MAPK10: variants seen among roughly 807,000 people sequenced by gnomAD.
MAPK10 encodes mitogen-activated protein kinase 10, also known as JNK3 alpha protein kinase.
Under a neutral mutation model 59.3 loss-of-function variants are expected in MAPK10, and 25 were observed. The observed-to-expected ratio is 0.42, with a 90% CI of 0.31 to 0.59. The LOEUF (loss-of-function observed/expected upper bound fraction) is 0.59, where lower values mean the gene tolerates loss of function less well. MAPK10 is among the 20% of genes least tolerant of loss of function. MAPK10 has a pLI of 0.15. For synonymous variants in MAPK10, 190 were observed against 200.5 expected (o/e 0.95, Z 0.44); for missense variants, 351 against 568.9 (o/e 0.62, Z 3.90).
At chr4:86,377,014 C>T (rs941624504) in intron 1 of MAPK10, among the ~76,000 whole-genome samples, 1 of 152,194 alleles carries the variant, frequency 6.6e-6, no homozygotes, top group Non-Finnish European at 1.5e-5. Flanking sequence ...TACAAGCAGG[C>T]AGCCATTTCC....
chr4:86,026,657 G>A (rs1750403957), intron 13 of MAPK10: 1 of 152,096 alleles, frequency 6.6e-6, no homozygotes, highest in African/African-American at 2.4e-5. Flanking sequence ...AGAATTCCCA[G>A]TATTGCCATA....
At chr4:86,390,945 G>A (rs1442923809) in intron 1 of MAPK10, among the ~76,000 whole-genome samples, 1 of 152,228 alleles carries the variant, frequency 6.6e-6, no homozygotes, top group East Asian at 1.9e-4. Flanking sequence ...AGCTCTCAGA[G>A]CCTGTGCCAC....
intron 1 of MAPK10, among the ~76,000 whole-genome samples, chr4:86,553,013 G>T (rs1759976364): frequency 6.6e-6 from 1 of 152,242 alleles, no homozygotes; most frequent in Middle Eastern, 3.4e-3. Context: ...TCTGACCCAG[G>T]AGTCTTCATG....
At chr4:86,225,192 T>C (rs945027195) in intron 2 of MAPK10, among the ~76,000 whole-genome samples, 1 of 152,178 alleles carries the variant, frequency 6.6e-6, no homozygotes, top group East Asian at 1.9e-4. Flanking sequence ...GTATAGAAAC[T>C]TGGAGGTGGA....
At position 86,013,534 on chromosome 4, in the gene MAPK10, A is replaced by ATAGATTTTGTATAATT. The variant is rs1742078612; in HGVS notation, c.*3678_*3693dup. The ATAGATTTTGTATAATT allele has an allele frequency of 6.6e-6, 1 of 152,240 alleles. No individual in the cohort carries two copies. The highest frequency in any genetic ancestry group is 2.4e-5 in the African/African-American group (1 of 41,458). The allele number at this position is 152,240 out of a possible 1,614,324, so 9.4% of individuals were successfully genotyped here. A position where few individuals can be genotyped will look rare whatever the true frequency, so the allele number is the denominator to read the frequency against. On this transcript the variant is annotated 3_prime_UTR_variant, in exon 14 of 14. Transcript: ENST00000641462. ...CATATGTTAAGAGATTCAAATCGAA[A>ATAGATTTTGTATAATT]TAGATTTTGTATAATTTAGGTTTTG... is the stretch of plus-strand genomic sequence containing the variant.
chr4:86,373,292 A>T (rs1032627148), intron 1 of MAPK10, among the ~76,000 whole-genome samples: 4 of 152,232 alleles, frequency 2.6e-5, no homozygotes, highest in African/African-American at 9.6e-5. Context: ...ATAAGACCTA[A>T]AACCATAAAA....
chr4:86,547,750 GGATTGTAAA>G (rs897898392), intron 1 of MAPK10, among the ~76,000 whole-genome samples: 21 of 152,170 alleles, frequency 1.4e-4, no homozygotes, highest in Non-Finnish European at 3.1e-4. Context: ...TCTAGCTAAG[GGATTGTAAA>G]TACACCAATC....
At chr4:86,422,903 T>A (rs990713427) in intron 1 of MAPK10, among the ~76,000 whole-genome samples, 2 of 152,204 alleles carry the variant, frequency 1.3e-5, no homozygotes, top group African/African-American at 2.4e-5. Flanking sequence ...AGATTTTTTT[T>A]AATGAATTTT....
intron 2 of MAPK10, chr4:86,332,442 T>A (rs556800127): frequency 6.6e-6 from 1 of 152,206 alleles, no homozygotes; most frequent in Admixed American, 6.5e-5. Context: ...TAACATTCAA[T>A]GTAAAAGTGT....
chr4:86,318,811 G>A (rs897161303), intron 2 of MAPK10, among the ~76,000 whole-genome samples: 23 of 152,176 alleles, frequency 1.5e-4, no homozygotes, highest in African/African-American at 5.3e-4. Flanking sequence ...TGACACATTG[G>A]AAAGATCCCT....
chr4:86,246,249 G>A (rs1003031427), intron 2 of MAPK10, among the ~76,000 whole-genome samples: 3 of 152,128 alleles, frequency 2.0e-5, no homozygotes, highest in Non-Finnish European at 4.4e-5. Context: ...GGCTAACAAG[G>A]TGAAATCCTG....
chr4:86,593,657 A>G (rs533319122), intron 1 of MAPK10: 2 of 152,338 alleles, frequency 1.3e-5, no homozygotes, highest in South Asian at 4.1e-4. Flanking sequence ...TGAGAATTTC[A>G]GTTTTCCCTA....
At chr4:86,294,848 G>A (rs1235492633) in intron 2 of MAPK10, among the ~76,000 whole-genome samples, 4 of 152,140 alleles carry the variant, frequency 2.6e-5, no homozygotes, top group African/African-American at 9.7e-5. Flanking sequence ...TCGAGGCTTT[G>A]GCTGAGTACT....
At chr4:86,413,638 C>A (rs1745484937) in intron 1 of MAPK10, among the ~76,000 whole-genome samples, 1 of 152,218 alleles carries the variant, frequency 6.6e-6, no homozygotes, top group African/African-American at 2.4e-5. Flanking sequence ...CACCCCTCCC[C>A]CTGTCAAGCT....
At chr4:86,131,331 A>C (rs1327044699) in intron 4 of MAPK10, among the ~76,000 whole-genome samples, 1 of 152,152 alleles carries the variant, frequency 6.6e-6, no homozygotes, top group Admixed American at 6.5e-5. Flanking sequence ...GTTTAAGAGG[A>C]GTAGAGAAAA....
intron 4 of MAPK10, among the ~76,000 whole-genome samples, chr4:86,145,189 C>CTTGGTCCATTCAAATTTCTATCTCT (rs2064616260): frequency 1.3e-5 from 2 of 151,840 alleles, no homozygotes; most frequent in Non-Finnish European, 2.9e-5. Flanking sequence ...CAAAAGATTT[C>CTTGGTCCATTCAAATTTCTATCTCT]TTGGTCCATT....
intron 2 of MAPK10, chr4:86,325,773 AG>A (rs1213985824): frequency 1.3e-5 from 2 of 152,236 alleles, no homozygotes; most frequent in Non-Finnish European, 2.9e-5. Flanking sequence ...GACTTATAAT[AG>A]TAATACATAT....
At chr4:86,362,612 A>C (rs1187670193), upstream of MAPK10, among the ~76,000 whole-genome samples, 2 of 152,150 alleles carry the variant, frequency 1.3e-5, no homozygotes, top group African/African-American at 4.8e-5. Context: ...ATGAACAAAC[A>C]ATTTTGTTTA....
At chr4:86,590,280 T>G (rs1377399274) in intron 1 of MAPK10, among the ~76,000 whole-genome samples, 1 of 152,150 alleles carries the variant, frequency 6.6e-6, no homozygotes, top group East Asian at 1.9e-4. Context: ...ATGATACACA[T>G]CATCCCGCCC....
Sources: allele counts gnomAD v4.1 joint callset (sites outside exome capture counted in the v4.1 genomes callset), GRCh38; gene constraint gnomAD v4.1.1; transcripts MANE v1.5; gene names NCBI Gene and HGNC (gene_info 2026-07-23, HGNC 2026-07-21).